The following GRIK3 variants were observed in gnomAD, a reference collection of about 807,000 sequenced individuals.
GRIK3 encodes glutamate receptor ionotropic, kainate 3.
A neutral mutation model predicts 102.5 loss-of-function variants in GRIK3; 29 were observed. The ratio of observed to expected loss-of-function variants is 0.28; its 90% CI spans 0.21 to 0.39. GRIK3 has a LOEUF of 0.39. GRIK3 is among the 10% of genes least tolerant of loss of function. The probability of loss-of-function intolerance (pLI) is 1.00; values close to 1 mark genes in which losing one functional copy is unlikely to be tolerated. For synonymous variants in GRIK3, 511 were observed against 504.9 expected (o/e 1.01, Z -0.16); for missense variants, 908 against 1,252.4 (o/e 0.73, Z 4.15).
At chr1:37,031,242 A>AT (rs1433533932) in intron 1 of GRIK3, among the ~76,000 whole-genome samples, 2 of 152,138 alleles carry the variant, frequency 1.3e-5, no homozygotes, top group East Asian at 3.8e-4. Context: ...ATCAATGATC[A>AT]TTTTTTCTCG....
At position 37,034,123 on chromosome 1, in the gene GRIK3, G is replaced by A. The variant is rs867075551; in HGVS notation, c.-15C>T. Reference sequence around the variant, plus strand: ...GGAGCGGTCATCGTTGGGCGCCGCCGAGCGTGCCCGGGGCGCGGCCGTGGC... The same window carrying A: ...GGAGCGGTCATCGTTGGGCGCCGCCAAGCGTGCCCGGGGCGCGGCCGTGGC... On this transcript the variant is annotated 5_prime_UTR_variant, in exon 1 of 16. Transcript: ENST00000373091. 9 of 1,441,232 alleles carry A rather than the reference G, an allele frequency of 6.2e-6. No homozygotes were observed. Among genetic ancestry groups the A allele is most frequent in the Middle Eastern group, 4.4e-4 (2 of 4,516 alleles). 89.3% of individuals were successfully genotyped at this position (1,441,232 alleles called of 1,614,324 possible).
intron 10 of GRIK3, among the ~76,000 whole-genome samples, chr1:36,840,223 G>A (rs997132725): frequency 6.6e-6 from 1 of 151,490 alleles, no homozygotes; most frequent in Non-Finnish European, 1.5e-5. Flanking sequence ...GGATAAATGA[G>A]AGAAGGAATC....
intron 1 of GRIK3, among the ~76,000 whole-genome samples, chr1:36,923,019 C>T (rs1219770476): frequency 6.6e-6 from 1 of 152,166 alleles, no homozygotes; most frequent in Non-Finnish European, 1.5e-5. Flanking sequence ...TCTGCAAAGC[C>T]ATTAAATATG....
intron 1 of GRIK3, among the ~76,000 whole-genome samples, chr1:36,968,761 G>A (rs899453964): frequency 1.3e-5 from 2 of 152,236 alleles, no homozygotes; most frequent in African/African-American, 2.4e-5. Context: ...TGGCAACTGG[G>A]TAGCAACGTG....
chr1:36,858,041 T>C (rs1336140071), intron 7 of GRIK3, among the ~76,000 whole-genome samples: 2 of 152,200 alleles, frequency 1.3e-5, no homozygotes, highest in Non-Finnish European at 2.9e-5. Context: ...GCTGTGATTG[T>C]TACAGAGAGC....
chr1:36,802,054 G>A lies in GRIK3; in HGVS notation c.2566-9C>T. 6.3e-7 allele frequency: 1 copy of A among 1,598,972 alleles called. No homozygotes were observed. The highest frequency in any genetic ancestry group is 8.5e-7 in the Non-Finnish European group (1 of 1,171,550). ...GTGCTGCAGAAGGAACGCTGCAGGA[G>A]GGTGGAGGAGAGGGGTCGGAAAAGG... On this transcript the variant is annotated splice_polypyrimidine_tract_variant and intron_variant, in intron 15 of 15. Coordinates refer to ENST00000373091, the MANE Select transcript of GRIK3 (RefSeq NM_000831.4).
rs1403032231 is a variant in GRIK3, at chr1:36,850,544, C to T, written c.1213-120G>A. On this transcript the variant is annotated intron_variant, in intron 8 of 15. Transcript: ENST00000373091. This position sits in a 1 kb window ranked among gnomAD's most constrained non-coding sequence, Gnocchi z 4.0. The stretch of plus-strand genomic sequence containing the variant: ...TGAGCCTCATTGTCATGATCATCAT[C>T]ATCATCACCACTGCCATTGTGTTTC... 4.5e-6 allele frequency: 3 copies of T among 669,596 alleles called. No individual in the cohort carries two copies. In the East Asian group the frequency reaches 8.0e-5, roughly 18 times the overall value. The allele number at this position is 669,596 out of a possible 1,614,324, so 41.5% of individuals were successfully genotyped here. A position where few individuals can be genotyped will look rare whatever the true frequency, so the allele number is the denominator to read the frequency against.
rs1017196105 is a variant in GRIK3, at chr1:36,810,629, G to C, written c.2092-4303C>G. On this transcript the variant is annotated intron_variant, in intron 13 of 15. Coordinates refer to ENST00000373091, the MANE Select transcript of GRIK3 (RefSeq NM_000831.4). ...AGCTGAATTTCAGAGAATGTGTGCA[G>C]AGATGCAGTAGCAATGGGATTGCAT... 2.6e-5 allele frequency among the ~76,000 whole-genome samples: 4 copies of C among 152,352 alleles called. No individual in the cohort carries two copies. In the East Asian group the frequency reaches 5.8e-4, roughly 22 times the overall value.
Position 36,806,405 on chromosome 1 carries a change from G to C in GRIK3, c.2092-79C>G, listed in dbSNP as rs905452899. The stretch of plus-strand genomic sequence containing the variant: ...CCAAGCACCGCATACCCTGCACAAC[G>C]TGGGTTGGGGCCTTGAACTCGGTCT... On this transcript the variant is annotated intron_variant, in intron 13 of 15. Coordinates refer to ENST00000373091, the MANE Select transcript of GRIK3 (RefSeq NM_000831.4). The surrounding 1 kb of genome is among the most constrained non-coding windows in gnomAD (Gnocchi z 4.0). 2.4e-6 allele frequency: 2 copies of C among 818,378 alleles called. No individual in the cohort carries two copies. Among genetic ancestry groups the C allele is most frequent in the East Asian group, 2.6e-5 (1 of 38,040 alleles). 50.7% of individuals were successfully genotyped at this position (818,378 alleles called of 1,614,324 possible).
At chr1:36,882,031 T>C (rs1640985883) in intron 2 of GRIK3, among the ~76,000 whole-genome samples, 1 of 151,946 alleles carries the variant, frequency 6.6e-6, no homozygotes. Context: ...TGTGTCTGTG[T>C]CTTACTAGGG....
chr1:36,814,766 T>C (rs1403184754), intron 13 of GRIK3, among the ~76,000 whole-genome samples: 2 of 151,920 alleles, frequency 1.3e-5, no homozygotes, highest in Non-Finnish European at 2.9e-5. Context: ...CCTCCACTTA[T>C]CTAGACATAC....
intron 1 of GRIK3, among the ~76,000 whole-genome samples, chr1:36,970,195 A>G (rs573441676): frequency 6.6e-6 from 1 of 152,262 alleles, no homozygotes; most frequent in Non-Finnish European, 1.5e-5. Context: ...CAGTTTCTGC[A>G]ATTTGTGAAA....
chr1:36,829,290 TG>T (rs1360585208), intron 10 of GRIK3, among the ~76,000 whole-genome samples: 2 of 152,212 alleles, frequency 1.3e-5, no homozygotes, highest in Non-Finnish European at 2.9e-5. Context: ...TCTTCCCACT[TG>T]TGCAAGTTTT....
At chr1:36,873,660 C>T (rs921895526) in intron 3 of GRIK3, among the ~76,000 whole-genome samples, 2 of 147,826 alleles carry the variant, frequency 1.4e-5, no homozygotes, top group Admixed American at 1.3e-4. Flanking sequence ...CCACTAATGG[C>T]ACTTCAATTT....
chr1:36,968,757 C>G lies in GRIK3; in HGVS notation c.115+65237G>C, dbSNP rs151185874. ...TTTGCCATGACATTCAGGCTGGCAACTGGGTAGCAACGTGGCTCCCATTTC... is the reference window on the plus strand; with the variant it reads ...TTTGCCATGACATTCAGGCTGGCAAGTGGGTAGCAACGTGGCTCCCATTTC... On this transcript the variant is annotated intron_variant, in intron 1 of 15. Transcript: ENST00000373091. Among the ~76,000 whole-genome samples, 587 of 152,346 alleles carry G rather than the reference C, an allele frequency of 3.9e-3. 9 individuals carry two copies. The highest frequency in any genetic ancestry group is 0.027 in the Admixed American group (407 of 15,304).
chr1:37,022,678 C>T (rs1421291295), intron 1 of GRIK3, among the ~76,000 whole-genome samples: 5 of 152,218 alleles, frequency 3.3e-5, no homozygotes, highest in Non-Finnish European at 7.3e-5. Context: ...TCATAAAATC[C>T]TCATTGACAA....
At chr1:36,980,043 C>G (rs1277978594) in intron 1 of GRIK3, among the ~76,000 whole-genome samples, 1 of 152,210 alleles carries the variant, frequency 6.6e-6, no homozygotes, top group Non-Finnish European at 1.5e-5. Flanking sequence ...TCCCGAGTGT[C>G]TGGATCTCCG....
chr1:36,989,777 C>T (rs1216499755), intron 1 of GRIK3, among the ~76,000 whole-genome samples: 1 of 152,162 alleles, frequency 6.6e-6, no homozygotes, highest in Non-Finnish European at 1.5e-5. Context: ...TTGTCCCAAC[C>T]ACAATCTCAG....
chr1:36,832,078 GACT>G (rs1640307557), intron 10 of GRIK3, among the ~76,000 whole-genome samples: 1 of 152,042 alleles, frequency 6.6e-6, no homozygotes, highest in Non-Finnish European at 1.5e-5. Context: ...ACTCCCTGGC[GACT>G]GCTCTACTGC....
Sources: gnomAD v4.1 joint callset for allele counts (sites outside exome capture counted in the v4.1 genomes callset) on GRCh38, gnomAD v4.1.1 for gene constraint, Gnocchi (gnomAD v3.1) non-coding constraint, MANE v1.5 for transcripts, NCBI Gene and HGNC (gene_info 2026-07-23, HGNC 2026-07-21) for gene names.